PALM2AKAP2: variants seen among roughly 807,000 people sequenced by gnomAD.
PALM2AKAP2 encodes PALM2 and AKAP2 fusion.
In PALM2AKAP2, 37 loss-of-function variants were observed where a neutral mutation model predicts 71.5. The observed-to-expected ratio is 0.52, with a 90% CI of 0.40 to 0.68. PALM2AKAP2 has a LOEUF of 0.68. Ranked by LOEUF, PALM2AKAP2 falls within the 30% of genes least tolerant of loss-of-function variation. PALM2AKAP2 has a pLI of 0.00. For missense variants in PALM2AKAP2, 1,224 were observed against 1,191.8 expected (o/e 1.03, Z -0.40); for synonymous variants, 468 against 478.8 (o/e 0.98, Z 0.29).
At chr9:110,137,516 T>A (rs139214625) in exon 2 of PALM2AKAP2, 3 of 1,614,104 alleles carry the variant, frequency 1.9e-6, no homozygotes, top group Middle Eastern at 3.3e-4. Context: ...ACGTGGGCCC[T>A]TATCTAAACT....
chr9:110,089,845 CAGG>C (rs1400877903), intron 1 of PALM2AKAP2, among the ~76,000 whole-genome samples: 3 of 152,102 alleles, frequency 2.0e-5, no homozygotes, highest in Non-Finnish European at 4.4e-5. Flanking sequence ...CAGCCTTTTA[CAGG>C]AGGAGAAAAG....
chr9:110,126,445 C>T (rs1448666078), intron 1 of PALM2AKAP2, among the ~76,000 whole-genome samples: 3 of 152,212 alleles, frequency 2.0e-5, no homozygotes, highest in Non-Finnish European at 1.5e-5. Flanking sequence ...TCTCACCTTG[C>T]AGGAGCCAGA....
At chr9:109,991,785 G>T (rs1832488210) in intron 6 of PALM2AKAP2, among the ~76,000 whole-genome samples, 1 of 152,132 alleles carries the variant, frequency 6.6e-6, no homozygotes, top group African/African-American at 2.4e-5. Context: ...GATGGTGAAT[G>T]ACCTAGGAAC....
intron 3 of PALM2AKAP2, among the ~76,000 whole-genome samples, chr9:109,901,180 A>G (rs1830323704): frequency 1.3e-5 from 2 of 152,180 alleles, no homozygotes; most frequent in African/African-American, 4.8e-5. Context: ...GTTACTGGAT[A>G]ATGCTGTCAT....
chr9:109,991,717 G>A (rs148876180), intron 6 of PALM2AKAP2, among the ~76,000 whole-genome samples: 5 of 152,300 alleles, frequency 3.3e-5, no homozygotes, highest in East Asian at 1.9e-4. Context: ...TCTGGTGGCC[G>A]CTAAGGAAAG....
intron 1 of PALM2AKAP2, among the ~76,000 whole-genome samples, chr9:109,690,637 G>A (rs1467914686): frequency 6.6e-6 from 1 of 152,084 alleles, no homozygotes; most frequent in Non-Finnish European, 1.5e-5. Flanking sequence ...TCTTCAAACT[G>A]AATTCAAAGA....
At chr9:110,056,033 G>A (rs1238950894) in intron 1 of PALM2AKAP2, among the ~76,000 whole-genome samples, 1 of 152,202 alleles carries the variant, frequency 6.6e-6, no homozygotes, top group East Asian at 1.9e-4. Flanking sequence ...GCAGACCCAT[G>A]AAAGGTGCCA....
intron 1 of PALM2AKAP2, chr9:110,090,408 CT>C: frequency 2.2e-6 from 1 of 456,752 alleles, no homozygotes; most frequent in Non-Finnish European, 4.4e-6. Context: ...GCTGTTCTCT[CT>C]CTTCACGGTA....
intron 6 of PALM2AKAP2, among the ~76,000 whole-genome samples, chr9:110,004,715 G>T (rs1203775563): frequency 2.6e-5 from 4 of 152,072 alleles, no homozygotes; most frequent in South Asian, 2.1e-4. Flanking sequence ...TTTCTTGGAG[G>T]CTTTGTTTGT....
intron 1 of PALM2AKAP2, among the ~76,000 whole-genome samples, chr9:109,801,948 C>A (rs1587921437): frequency 6.6e-6 from 1 of 152,296 alleles, no homozygotes; most frequent in East Asian, 1.9e-4. Flanking sequence ...CCCCCAAAAT[C>A]AACCAGATCA....
intron 3 of PALM2AKAP2, among the ~76,000 whole-genome samples, chr9:109,915,694 T>G (rs1830671052): frequency 1.3e-5 from 2 of 152,176 alleles, no homozygotes; most frequent in Non-Finnish European, 2.9e-5. Context: ...AAGCACACAG[T>G]AAGCACTCAA....
At chr9:109,649,446 T>C (rs981990245) in intron 1 of PALM2AKAP2, among the ~76,000 whole-genome samples, 2 of 152,220 alleles carry the variant, frequency 1.3e-5, no homozygotes, top group Non-Finnish European at 2.9e-5. Context: ...CTGAAATGGT[T>C]TTATGGTTAT....
At chr9:109,642,596 C>T (rs970620165) in intron 1 of PALM2AKAP2, among the ~76,000 whole-genome samples, 1 of 151,608 alleles carries the variant, frequency 6.6e-6, no homozygotes, top group Non-Finnish European at 1.5e-5. Context: ...CTCACTCTGT[C>T]ACCCAGGCTG....
chr9:110,053,613 T>C lies in PALM2AKAP2; in HGVS notation c.156+4758T>C, dbSNP rs188980717. ...ATGTAACGGGAATTTGTTCCCATCT[T>C]GGTGACAGTTTCAGAGTGCCCCGCA... is the stretch of plus-strand genomic sequence containing the variant. On this transcript the variant is annotated intron_variant, in intron 1 of 3. Coordinates refer to ENST00000374525, the Ensembl canonical transcript of PALM2AKAP2. 1.6e-4 allele frequency among the ~76,000 whole-genome samples: 25 copies of C among 151,718 alleles called. 1 individual carries two copies. The East Asian group carries it at 4.4e-3, about 27-fold the overall frequency.
At chr9:110,122,883 T>C (rs1415647405) in intron 1 of PALM2AKAP2, among the ~76,000 whole-genome samples, 2 of 152,166 alleles carry the variant, frequency 1.3e-5, no homozygotes, top group Non-Finnish European at 2.9e-5. Flanking sequence ...AGCTAGACGT[T>C]ACCTGCTGGA....
intron 3 of PALM2AKAP2, among the ~76,000 whole-genome samples, chr9:109,894,642 A>G (rs943838393): frequency 6.6e-6 from 1 of 152,202 alleles, no homozygotes; most frequent in African/African-American, 2.4e-5. Context: ...GGTGAGCTGC[A>G]TGTGTCGTGG....
intron 1 of PALM2AKAP2, among the ~76,000 whole-genome samples, chr9:109,657,452 TTGTGTGTGTG>T (rs3062680): frequency 6.8e-6 from 1 of 147,106 alleles, no homozygotes; most frequent in East Asian, 2.0e-4. Flanking sequence ...AATATGGTAT[TTGTGTGTGTG>T]TGTGTGTGTG....
At chr9:110,133,285 C>T (rs1011952796) in intron 1 of PALM2AKAP2, among the ~76,000 whole-genome samples, 1 of 152,176 alleles carries the variant, frequency 6.6e-6, no homozygotes, top group Non-Finnish European at 1.5e-5. Context: ...ATCACTCCTT[C>T]CTCTGTGATT....
chr9:109,799,620 T>G (rs10816871), intron 1 of PALM2AKAP2, among the ~76,000 whole-genome samples: 14 of 152,112 alleles, frequency 9.2e-5, no homozygotes, highest in African/African-American at 3.1e-4. Flanking sequence ...CATCCTCTCA[T>G]GTAGCTGAGA....
Sources: gnomAD v4.1 joint callset for allele counts (sites outside exome capture counted in the v4.1 genomes callset) on GRCh38, gnomAD v4.1.1 for gene constraint, MANE v1.5 for transcripts, NCBI Gene and HGNC (gene_info 2026-07-23, HGNC 2026-07-21) for gene names.